The following CTNNA3 variants were observed in gnomAD, a reference collection of about 807,000 sequenced individuals.
CTNNA3 encodes catenin alpha 3.
Under a neutral mutation model 95.7 loss-of-function variants are expected in CTNNA3, and 76 were observed. The observed-to-expected ratio is 0.79, with a 90% CI of 0.66 to 0.96. The LOEUF is 0.96. Ranked by LOEUF, CTNNA3 falls within the 40% of genes least tolerant of loss-of-function variation. The pLI is 0.00. For synonymous variants in CTNNA3, 431 were observed against 374.4 expected, an observed-to-expected ratio of 1.15 and a Z score of -1.74; for missense variants, 1,191 against 1,089.8, an observed-to-expected ratio of 1.09 and a Z score of -1.31.
At chr10:66,709,892 T>C (rs1030998467) in intron 9 of CTNNA3, among the ~76,000 whole-genome samples, 3 of 152,110 alleles carry the variant, frequency 2.0e-5, no homozygotes, top group Non-Finnish European at 2.9e-5. Flanking sequence ...AATTTCGCTG[T>C]TGTAGTAAGA....
At chr10:66,932,666 T>C (rs1847469209) in intron 7 of CTNNA3, among the ~76,000 whole-genome samples, 1 of 147,536 alleles carries the variant, frequency 6.8e-6, no homozygotes, top group Admixed American at 7.1e-5. Flanking sequence ...TGTTAAATAG[T>C]TTGTATCAAA....
chr10:66,016,019 C>A (rs1489318205), intron 15 of CTNNA3, among the ~76,000 whole-genome samples: 1 of 152,100 alleles, frequency 6.6e-6, no homozygotes, highest in African/African-American at 2.4e-5. Flanking sequence ...TTTATAGCAT[C>A]TGTTTTCTAA....
chr10:66,466,934 T>C (rs1401181396), intron 11 of CTNNA3, among the ~76,000 whole-genome samples: 1 of 152,098 alleles, frequency 6.6e-6, no homozygotes, highest in Non-Finnish European at 1.5e-5. Flanking sequence ...TGACATTATA[T>C]TATTTTTTAT....
rs1334621785 is a variant in CTNNA3, at chr10:67,636,338, C to A, written c.99+11077G>T. Among the ~76,000 whole-genome samples, 4 of 152,072 alleles carry A rather than the reference C, an allele frequency of 2.6e-5. No homozygotes were observed. In the East Asian group the frequency reaches 7.7e-4, roughly 29 times the overall value. On this transcript the variant is annotated intron_variant, in intron 2 of 17. Coordinates refer to ENST00000433211, the MANE Select transcript of CTNNA3 (RefSeq NM_013266.4). ...AAACTATTTTAAAATGTATTTGGAA[C>A]CAAAAAACAGCTCAAATAGCCAAGA...
At chr10:67,374,547 A>G (rs1843618893) in intron 5 of CTNNA3, among the ~76,000 whole-genome samples, 1 of 152,192 alleles carries the variant, frequency 6.6e-6, no homozygotes, top group African/African-American at 2.4e-5. Context: ...ATTGGGCTAT[A>G]TGATACTGTA....
chr10:66,513,948 T>C (rs10430465), intron 11 of CTNNA3, among the ~76,000 whole-genome samples: 1 of 152,006 alleles, frequency 6.6e-6, no homozygotes, highest in African/African-American at 2.4e-5. Context: ...CCTTCTGGGA[T>C]GGTGTCGGGG....
At chr10:66,832,821 G>A (rs975351341) in intron 7 of CTNNA3, among the ~76,000 whole-genome samples, 2 of 152,044 alleles carry the variant, frequency 1.3e-5, no homozygotes, top group Non-Finnish European at 2.9e-5. Context: ...GTGAGGACCA[G>A]AGCTCTAATC....
chr10:67,539,344 G>A (rs1840587678), intron 4 of CTNNA3, among the ~76,000 whole-genome samples, 159 bp downstream of exon 4: 2 of 151,982 alleles, frequency 1.3e-5, no homozygotes, highest in South Asian at 2.1e-4. Flanking sequence ...TTATTTTGAG[G>A]TATACATTAG....
intron 2 of CTNNA3, among the ~76,000 whole-genome samples, chr10:67,638,505 G>A (rs1293688930): frequency 6.6e-6 from 1 of 152,032 alleles, no homozygotes; most frequent in African/African-American, 2.4e-5. Context: ...TGCACCAAGA[G>A]GACCTAATAG....
Position 67,478,859 on chromosome 10 carries a change from C to A in CTNNA3, c.579+42983G>T, listed in dbSNP as rs963624076. Among the ~76,000 whole-genome samples, 10 of 143,572 alleles carry A rather than the reference C, an allele frequency of 7.0e-5. No homozygotes were observed. In the South Asian group the frequency reaches 1.8e-3, roughly 26 times the overall value. 94.2% of individuals were successfully genotyped at this position (143,572 alleles called of 152,430 possible). A position where few individuals can be genotyped will look rare whatever the true frequency, so the allele number is the denominator to read the frequency against. Reference sequence around the variant, plus strand: ...GCAAGTTGAATTAAAAAAAAAAAAACAAGACCTATCGCTCACACACACATA... The same window carrying A: ...GCAAGTTGAATTAAAAAAAAAAAAAAAAGACCTATCGCTCACACACACATA... On this transcript the variant is annotated intron_variant, in intron 5 of 17. Coordinates refer to ENST00000433211, the MANE Select transcript of CTNNA3 (RefSeq NM_013266.4).
intron 9 of CTNNA3, among the ~76,000 whole-genome samples, chr10:66,740,006 G>T (rs1849274737): frequency 6.6e-6 from 1 of 152,180 alleles, no homozygotes; most frequent in African/African-American, 2.4e-5. Flanking sequence ...GAGTAGGAAA[G>T]GTGTTTGTTC....
At chr10:66,831,144 G>A (rs1842707656) in intron 7 of CTNNA3, among the ~76,000 whole-genome samples, 2 of 152,026 alleles carry the variant, frequency 1.3e-5, no homozygotes, top group Non-Finnish European at 2.9e-5. Context: ...TCAATCTTAT[G>A]TCCTTCCAAA....
chr10:66,714,979 T>C lies in CTNNA3; in HGVS notation c.1281+51285A>G, dbSNP rs112248797. On this transcript the variant is annotated intron_variant, in intron 9 of 17. Transcript: ENST00000433211. ...TCCTTCCCACCCAGTGTTTTAGTCA[T>C]ATAAATGTTTTGAAATATTGTGAAG... Among the ~76,000 whole-genome samples the C allele has an allele frequency of 7.6e-3, 1,160 of 152,212 alleles. 8 individuals are homozygous for C. Among genetic ancestry groups the C allele is most frequent in the Non-Finnish European group, 0.013 (875 of 68,008 alleles).
intron 7 of CTNNA3, among the ~76,000 whole-genome samples, chr10:67,012,745 T>C (rs1234623810): frequency 6.6e-6 from 1 of 152,162 alleles, no homozygotes; most frequent in Non-Finnish European, 1.5e-5. Context: ...GTTTTGGATA[T>C]ACACTTCTGT....
chr10:66,841,130 G>A (rs1843053076), intron 7 of CTNNA3, among the ~76,000 whole-genome samples: 1 of 152,116 alleles, frequency 6.6e-6, no homozygotes, highest in Admixed American at 6.6e-5. Flanking sequence ...AAGAAGAGAA[G>A]CATGAATAAA....
At chr10:66,685,341 ATATATATATATTTTTTTTTTTTT>A (rs1847245771) in intron 9 of CTNNA3, among the ~76,000 whole-genome samples, 3 of 71,158 alleles carry the variant, frequency 4.2e-5, no homozygotes, top group African/African-American at 1.4e-4. Flanking sequence ...ATATATATAT[ATATATATATATTTTTTTTTTTTT>A]TTTTTTTTTT....
At chr10:67,673,412 T>C (rs1169572595) in intron 1 of CTNNA3, among the ~76,000 whole-genome samples, 3 of 151,348 alleles carry the variant, frequency 2.0e-5, no homozygotes, top group East Asian at 1.9e-4. Context: ...ATAGGAGTGG[T>C]GAGAGAGGGC....
intron 10 of CTNNA3, among the ~76,000 whole-genome samples, chr10:66,618,734 T>C (rs1389029135): frequency 1.8e-4 from 28 of 152,024 alleles, no homozygotes; most frequent in Admixed American, 1.8e-3. Context: ...CTAAAGAGCT[T>C]CTGCACAGCA....
intron 7 of CTNNA3, among the ~76,000 whole-genome samples, chr10:66,986,696 C>T (rs190199835): frequency 6.6e-6 from 1 of 152,212 alleles, no homozygotes; most frequent in East Asian, 1.9e-4. Flanking sequence ...TTTTACAACT[C>T]CATGGCTATC....
Sources: gnomAD v4.1 joint callset for allele counts (sites outside exome capture counted in the v4.1 genomes callset) on GRCh38, gnomAD v4.1.1 for gene constraint, MANE v1.5 for transcripts, NCBI Gene and HGNC (gene_info 2026-07-23, HGNC 2026-07-21) for gene names.